USP11: variants seen among roughly 807,000 people sequenced by gnomAD.
The protein encoded by USP11 is ubiquitin specific peptidase 11.
A neutral mutation model predicts 72.8 loss-of-function variants in USP11; 5 were observed. That is an observed-to-expected ratio of 0.07 (90% CI 0.04 to 0.14). The LOEUF is 0.14. Among genes scored for constraint, USP11 ranks in the 10% least tolerant of loss-of-function variants. The pLI is 1.00. For synonymous variants in USP11, 368 were observed against 326.5 expected (o/e 1.13, Z -1.37); for missense variants, 480 against 794.7 (o/e 0.60, Z 4.76).
At chrX:47,238,987 C>A in intron 1 of USP11, 83 bp from the exon 2 acceptor site, 1 of 625,789 alleles carries the variant, frequency 1.6e-6, no homozygotes. Flanking sequence ...TGTGTCAATA[C>A]TTTCAGTCTG....
In USP11 at chrX:47,241,531, ATCT is replaced by A; in HGVS notation, c.1021-5_1021-3del. 2 of 1,192,325 alleles carry A rather than the reference ATCT, an allele frequency of 1.7e-6. No individual in the cohort carries two copies. The highest frequency in any genetic ancestry group is 1.1e-6 in the Non-Finnish European group (1 of 884,867). On this transcript the variant is annotated splice_polypyrimidine_tract_variant and splice_region_variant and intron_variant, in intron 8 of 20. Coordinates refer to ENST00000377107, the MANE Select transcript of USP11 (RefSeq NM_001371072.1). ...CCCTCTCTCTCTGATGACCCTGCCC[ATCT>A]TCTTAGAACAAGGTTGGCCATTTTG... is the stretch of plus-strand genomic sequence containing the variant.
intron 1 of USP11, 56 bp downstream of exon 1, chrX:47,233,275 C>G (rs1048095718): frequency 1.0e-5 from 11 of 1,097,654 alleles, no homozygotes; most frequent in Admixed American, 3.4e-5. Context: ...GCATTGACAA[C>G]CGCTGGGGAT....
rs2055407904 is a variant in USP11 at position 47,242,365 on chromosome X, C to G, written c.1404+59C>G. The G allele has an allele frequency of 1.2e-5, 14 of 1,203,985 alleles. No homozygotes were observed. In the South Asian group the frequency reaches 2.5e-4, roughly 21 times the overall value. On this transcript the variant is annotated intron_variant, in intron 10 of 20. Coordinates refer to ENST00000377107, the MANE Select transcript of USP11 (RefSeq NM_001371072.1). ...TGGACACATAGAGTTTGATTAGCTG[C>G]CATAGCTCAAGGCTTCTTGCATTAA...
intron 1 of USP11, among the ~76,000 whole-genome samples, chrX:47,237,885 C>T (rs922170094): frequency 3.7e-5 from 4 of 108,972 alleles, no homozygotes; most frequent in Admixed American, 1.0e-4. Flanking sequence ...GAAGTCCAAG[C>T]TGTCAGAACA....
intron 5 of USP11, 63 bp downstream of exon 5, chrX:47,240,513 CGGG>C: frequency 8.3e-7 from 1 of 1,209,082 alleles, no homozygotes; most frequent in Admixed American, 2.2e-5. Flanking sequence ...TGGCAGTACT[CGGG>C]GGAAATGAAG....
chrX:47,237,693 G>A (rs753035781), intron 1 of USP11, among the ~76,000 whole-genome samples: 40 of 110,685 alleles, frequency 3.6e-4, no homozygotes, highest in Non-Finnish European at 6.4e-4. Context: ...ATCAAATTTG[G>A]TTATTTTTTA....
rs2055421324 is a variant in USP11, at chrX:47,244,484, C to T, written c.1791-14C>T. The T allele has an allele frequency of 1.7e-6, 2 of 1,208,582 alleles. No individual in the cohort carries two copies. The highest frequency in any genetic ancestry group is 1.8e-5 in the African/African-American group (1 of 56,819). On this transcript the variant is annotated splice_polypyrimidine_tract_variant and intron_variant, in intron 13 of 20. Transcript: ENST00000377107. ...CTTGTACCCGTCTTGGGAGTCTCCTCTGCTCTGTTGCAGACGCTACGTGAC... is the reference window on the plus strand; with the variant it reads ...CTTGTACCCGTCTTGGGAGTCTCCTTTGCTCTGTTGCAGACGCTACGTGAC...
intron 1 of USP11, among the ~76,000 whole-genome samples, chrX:47,238,340 A>C (rs996268907): frequency 9.1e-6 from 1 of 109,958 alleles, no homozygotes; most frequent in African/African-American, 3.3e-5. Flanking sequence ...GGCACGTGCC[A>C]GCACACCTGG....
intron 4 of USP11, 100 bp from the exon 5 acceptor site, chrX:47,240,205 C>T: frequency 9.1e-7 from 1 of 1,095,064 alleles, no homozygotes; most frequent in South Asian, 2.1e-5. Flanking sequence ...AGGTATTGGC[C>T]AAGCATGTGA....
In USP11 at chrX:47,247,373, C is replaced by T. The variant is rs748734735; in HGVS notation, c.2490C>T (p.Asp830=). 1.9e-5 allele frequency: 23 copies of T among 1,211,014 alleles called. No homozygotes were observed. Among genetic ancestry groups the T allele is most frequent in the Non-Finnish European group, 2.5e-5 (22 of 895,358 alleles). The change falls in exon 19 of 21, where the codon GAC becomes GAT. Residue 830 remains aspartate, a synonymous_variant. Coordinates refer to ENST00000377107, the MANE Select transcript of USP11 (RefSeq NM_001371072.1). ...CGAATCCGGAGCTGTACAAATATGA[C>T]CTCATCGCGGTTTCCAACCATTATG... is the stretch of plus-strand genomic sequence containing the variant. ...NESNPELYKY[D]LIAVSNHYGG... is the part of the protein sequence containing the mutation.
At position 47,248,095 on chromosome X, in the gene USP11, G is replaced by A; in HGVS notation, c.*165G>A. 1 of 788,761 alleles carries A rather than the reference G, an allele frequency of 1.3e-6. No individual in the cohort carries two copies. The highest frequency in any genetic ancestry group is 1.7e-6 in the Non-Finnish European group (1 of 572,173). The allele number at this position is 788,761 out of a possible 1,213,427, so 65.0% of individuals were successfully genotyped here. ...GTGCCGCTGCATCGCTCTCTCCCGG[G>A]AAAGAACAGGTCGTGTCTCCTCCTA... On this transcript the variant is annotated 3_prime_UTR_variant, in exon 21 of 21. Coordinates refer to ENST00000377107, the MANE Select transcript of USP11 (RefSeq NM_001371072.1).
At position 47,244,923 on chromosome X, in the gene USP11, T is replaced by C. The variant is rs2055424125; in HGVS notation, c.2085T>C (p.His695=). ...SDRTTSPEEV[H]AQPYIAIDWE... ...GCACAACCTCCCCTGAAGAAGTCCA[T>C]GGTATTTCCTTTGGCTATCAGCGAG... The change falls in exon 15 of 21, where the codon CAT becomes CAC. Residue 695 remains histidine (H), a splice_region_variant and synonymous_variant. Coordinates refer to ENST00000377107, the MANE Select transcript of USP11 (RefSeq NM_001371072.1). The C allele has an allele frequency of 8.3e-7, 1 of 1,211,224 alleles. No homozygotes were observed. Among genetic ancestry groups the C allele is most frequent in the Non-Finnish European group, 1.1e-6 (1 of 895,006 alleles).
chrX:47,236,279 T>C (rs1342102504), intron 1 of USP11, among the ~76,000 whole-genome samples: 1 of 112,679 alleles, frequency 8.9e-6, no homozygotes, highest in Non-Finnish European at 1.9e-5. Context: ...AATGCTTCTC[T>C]AGTAAGAGCA....
Position 47,242,714 on chromosome X carries a change from T to C in USP11, c.1577T>C (p.Ile526Thr). The C allele has an allele frequency of 4.2e-6, 5 of 1,201,819 alleles. No individual in the cohort carries two copies. Among genetic ancestry groups the C allele is most frequent in the Non-Finnish European group, 5.6e-6 (5 of 886,426 alleles). The change falls in exon 12 of 21, where the codon ATC (isoleucine) becomes ACC (threonine). Residue 526 changes from isoleucine (I) to threonine (T), a missense_variant. By Grantham distance (89) the Ile-to-Thr change is moderately conservative (BLOSUM62 -1). Coordinates refer to ENST00000377107, the MANE Select transcript of USP11 (RefSeq NM_001371072.1). ...AGCAGCATCTTGGACCGTGATGATA[T>C]CTTCGTGTGAGTGGGGATGGCAGGG... is the stretch of plus-strand genomic sequence containing the variant. ...PLSSILDRDDIFVYEVSGRIE... is the reference protein window; with the variant it reads ...PLSSILDRDDTFVYEVSGRIE...
chrX:47,236,869 C>T (rs1311546415), intron 1 of USP11, among the ~76,000 whole-genome samples: 1 of 112,113 alleles, frequency 8.9e-6, no homozygotes, highest in Non-Finnish European at 1.9e-5. Flanking sequence ...GTTATTGATA[C>T]AGACCATGAC....
chrX:47,240,415 A>T lies in USP11; in HGVS notation c.646A>T (p.Ile216Phe). 8.3e-7 allele frequency: 1 copy of T among 1,211,768 alleles called. No homozygotes were observed. The highest frequency in any genetic ancestry group is 1.1e-6 in the Non-Finnish European group (1 of 895,514). Residue 216 changes from isoleucine (I) to phenylalanine (F), a missense_variant, in exon 5 of 21, where the codon ATC becomes TTC. This residue lies in a region of USP11 where 80 missense variants were observed against 100.9 expected (regional missense o/e 0.79). Coordinates refer to ENST00000377107, the MANE Select transcript of USP11 (RefSeq NM_001371072.1). ...GSLDRLYDTH[I>F]TVLDAALETG... Reference sequence around the variant, plus strand: ...TTTGGATAGGTTGTATGACACACACATCACGGTTCTCGATGCGGCCCTTGA... The same window carrying T: ...TTTGGATAGGTTGTATGACACACACTTCACGGTTCTCGATGCGGCCCTTGA...
Position 47,243,611 on chromosome X carries a change from C to T in USP11, c.1790+9C>T. The T allele has an allele frequency of 9.1e-6, 11 of 1,209,870 alleles. No individual in the cohort carries two copies. Among genetic ancestry groups the T allele is most frequent in the Non-Finnish European group, 1.1e-5 (10 of 894,220 alleles). ...CTGATGTACCGGCTCTCGTAAGTGT[C>T]CTCTTCCCCGGGGGTGGGGGGCGGA... On this transcript the variant is annotated intron_variant, in intron 13 of 20. Transcript: ENST00000377107.
At chrX:47,236,514 A>G (rs1466897679) in intron 1 of USP11, among the ~76,000 whole-genome samples, 1 of 112,403 alleles carries the variant, frequency 8.9e-6, no homozygotes, top group Non-Finnish European at 1.9e-5. Flanking sequence ...AATTTCTGGG[A>G]GAAGCTTGTA....
rs1298574895 is a variant in USP11 at position 47,241,616 on chromosome X, C to T, written c.1096C>T (p.Leu366=). 2 of 1,209,282 alleles carry T rather than the reference C, an allele frequency of 1.7e-6. No homozygotes were observed. The highest frequency in any genetic ancestry group is 3.5e-5 in the African/African-American group (2 of 57,155). The change falls in exon 9 of 21, where the codon CTG becomes TTG. Residue 366 remains leucine, a synonymous_variant. Transcript: ENST00000377107. ...CTCTCAGGAGCTGCTGTCATTCCTC[C>T]TGGACGGGCTGCATGAGGACCTTAA... The part of the protein sequence containing the change: ...HDSQELLSFL[L]DGLHEDLNRV...
Sources: gnomAD v4.1 joint callset for allele counts (sites outside exome capture counted in the v4.1 genomes callset) on GRCh38, gnomAD v4.1.1 for gene constraint, gnomAD v4.1.1 regional missense constraint, MANE v1.5 for transcripts, NCBI Gene and HGNC (gene_info 2026-07-23, HGNC 2026-07-21) for gene names.